DYNC2I1: variants seen among roughly 807,000 people sequenced by gnomAD.
DYNC2I1 encodes cytoplasmic dynein 2 intermediate chain 1.
In DYNC2I1, 89 loss-of-function variants were observed where a neutral mutation model predicts 133.4. That is an observed-to-expected ratio of 0.67 (90% CI 0.56 to 0.80). The LOEUF (loss-of-function observed/expected upper bound fraction) is 0.80. Ranked by LOEUF, DYNC2I1 falls within the 30% of genes least tolerant of loss-of-function variation. The pLI, the probability that DYNC2I1 is intolerant of heterozygous loss-of-function variation, is 0.00. For missense variants in DYNC2I1, 1,291 were observed against 1,314.5 expected (o/e 0.98, Z 0.28); for synonymous variants, 504 against 484.3 (o/e 1.04, Z -0.54).
At chr7:158,864,934 G>T (rs1842267919) in intron 1 of DYNC2I1, among the ~76,000 whole-genome samples, 1 of 152,240 alleles carries the variant, frequency 6.6e-6, no homozygotes, top group Admixed American at 6.5e-5. Context: ...GAAGCCCACT[G>T]CCCACAGGTG....
intron 7 of DYNC2I1, among the ~76,000 whole-genome samples, chr7:158,889,608 A>G (rs1052053592): frequency 6.6e-6 from 1 of 152,020 alleles, no homozygotes; most frequent in African/African-American, 2.4e-5. Context: ...ATAATTTTAA[A>G]TTTTATTTTG....
intron 7 of DYNC2I1, among the ~76,000 whole-genome samples, chr7:158,889,398 A>G (rs961136023): frequency 5.3e-5 from 8 of 151,968 alleles, no homozygotes; most frequent in Non-Finnish European, 2.9e-5. Flanking sequence ...TGTTTTTCCT[A>G]GTTCATAGTG....
intron 7 of DYNC2I1, among the ~76,000 whole-genome samples, chr7:158,890,329 G>A (rs189832339): frequency 6.6e-6 from 1 of 151,844 alleles, no homozygotes; most frequent in Non-Finnish European, 1.5e-5. Context: ...TTCTTTTCCA[G>A]AGGAGTAAAA....
At chr7:158,926,497 C>A in intron 19 of DYNC2I1, 34 bp downstream of exon 19, 1 of 1,604,338 alleles carries the variant, frequency 6.2e-7, no homozygotes, top group Non-Finnish European at 8.5e-7. Flanking sequence ...ACATGCGGGG[C>A]CTGAGTGAGG....
intron 1 of DYNC2I1, among the ~76,000 whole-genome samples, chr7:158,863,330 G>T (rs1383521152): frequency 6.6e-6 from 1 of 152,110 alleles, no homozygotes; most frequent in Non-Finnish European, 1.5e-5. Context: ...CCTTCAGCAA[G>T]ACAGAGTCCT....
At chr7:158,901,237 A>G (rs1846225717) in intron 8 of DYNC2I1, among the ~76,000 whole-genome samples, 1 of 152,010 alleles carries the variant, frequency 6.6e-6, no homozygotes, top group Non-Finnish European at 1.5e-5. Context: ...TGCCCAGCTA[A>G]TTTTTTGTAT....
chr7:158,859,404 G>A (rs960424835), intron 1 of DYNC2I1, among the ~76,000 whole-genome samples: 4 of 152,088 alleles, frequency 2.6e-5, no homozygotes, highest in African/African-American at 9.7e-5. Context: ...TATCTGTGAT[G>A]TTTTGAATAT....
intron 8 of DYNC2I1, among the ~76,000 whole-genome samples, chr7:158,894,783 TG>T (rs1260872981): frequency 6.6e-6 from 1 of 152,218 alleles, no homozygotes; most frequent in Non-Finnish European, 1.5e-5. Flanking sequence ...TCTTCCACAG[TG>T]GCCATAGGGT....
chr7:158,891,994 T>A (rs1007035183), intron 8 of DYNC2I1, among the ~76,000 whole-genome samples: 14 of 152,080 alleles, frequency 9.2e-5, no homozygotes, highest in Non-Finnish European at 1.8e-4. Flanking sequence ...CTTGGGGCTC[T>A]CCTCGGGGCA....
chr7:158,956,431 C>T (rs1383579967), intron 4 of DYNC2I1, among the ~76,000 whole-genome samples: 1 of 152,204 alleles, frequency 6.6e-6, no homozygotes, highest in African/African-American at 2.4e-5. Context: ...GCGGAGACAG[C>T]GTGGTGCTGA....
At chr7:158,840,641 G>T in the DYNC2I1 span, among the ~76,000 whole-genome samples, 1 of 152,228 alleles carries the variant, frequency 6.6e-6, no homozygotes, top group African/African-American at 2.4e-5. Context: ...TCTAGTTAGG[G>T]AGATGGAAAT....
At chr7:158,916,011 G>A (rs191839086) in intron 14 of DYNC2I1, among the ~76,000 whole-genome samples, 2 of 103,494 alleles carry the variant, frequency 1.9e-5, no homozygotes, top group African/African-American at 3.6e-5. Flanking sequence ...TGACATTAAG[G>A]ATGATTGTGA....
chr7:158,911,409 A>G (rs1847462101), intron 11 of DYNC2I1, 141 bp from the exon 12 acceptor site: 2 of 873,628 alleles, frequency 2.3e-6, no homozygotes, highest in Non-Finnish European at 3.4e-6. Flanking sequence ...CAGCTGTTAA[A>G]TATCTCAGAC....
intron 20 of DYNC2I1, among the ~76,000 whole-genome samples, chr7:158,928,612 G>A (rs1018750779): frequency 2.6e-5 from 4 of 152,068 alleles, no homozygotes; most frequent in African/African-American, 7.2e-5. Flanking sequence ...TTCTTTATGC[G>A]GCACCCTCTC....
chr7:158,931,075 A>C (rs1850172535), intron 21 of DYNC2I1, among the ~76,000 whole-genome samples: 1 of 152,192 alleles, frequency 6.6e-6, no homozygotes, highest in Non-Finnish European at 1.5e-5. Flanking sequence ...GGTCTTACTT[A>C]ACTATTCTTC....
chr7:158,867,064 T>G (rs1842476187), intron 1 of DYNC2I1, among the ~76,000 whole-genome samples: 1 of 151,838 alleles, frequency 6.6e-6, no homozygotes, highest in Admixed American at 6.6e-5. Context: ...GCTTCCTTTA[T>G]TTATACCTTT....
intron 3 of DYNC2I1, 118 bp downstream of exon 3, chr7:158,871,680 C>T (rs1362727373): frequency 1.7e-6 from 2 of 1,190,214 alleles, no homozygotes; most frequent in East Asian, 2.6e-5. Flanking sequence ...TTCCCCTTTC[C>T]TTTTTTTTCT....
chr7:158,881,522 C>G (rs546451952), intron 5 of DYNC2I1, among the ~76,000 whole-genome samples: 1 of 152,062 alleles, frequency 6.6e-6, no homozygotes, highest in Non-Finnish European at 1.5e-5. Context: ...GGTGCGATCT[C>G]GGCTCACTGC....
chr7:158,943,010 T>C (rs375930241), intron 24 of DYNC2I1, among the ~76,000 whole-genome samples: 1 of 152,332 alleles, frequency 6.6e-6, no homozygotes, highest in Admixed American at 6.5e-5. Context: ...TTTCTTGAGA[T>C]TTTTACATTT....
Sources: allele counts gnomAD v4.1 joint callset (sites outside exome capture counted in the v4.1 genomes callset), GRCh38; gene constraint gnomAD v4.1.1; transcripts MANE v1.5; gene names NCBI Gene and HGNC (gene_info 2026-07-23, HGNC 2026-07-21).